Variants in LIN7A observed in about 807,000 individuals in gnomAD.
LIN7A encodes protein lin-7 homolog A.
Under a neutral mutation model 29.8 loss-of-function variants are expected in LIN7A, and 25 were observed. That is an observed-to-expected ratio of 0.84 (90% CI 0.61 to 1.17). The LOEUF (loss-of-function observed/expected upper bound fraction) is 1.17, where lower values mean the gene tolerates loss of function less well. LIN7A is among the 50% of genes most tolerant of loss of function. The probability of loss-of-function intolerance (pLI) is 0.00; values close to 1 mark genes in which losing one functional copy is unlikely to be tolerated. For synonymous variants in LIN7A, 118 were observed against 107.5 expected (o/e 1.10, Z -0.60); for missense variants, 239 against 287.0 (o/e 0.83, Z 1.21).
intron 1 of LIN7A, chr12:80,935,748 A>G (rs145551269): frequency 3.7e-5 from 18 of 488,490 alleles, no homozygotes; most frequent in African/African-American, 3.3e-4. Context: ...AGACTCATCC[A>G]CAGGGTAAAC....
intron 4 of LIN7A, among the ~76,000 whole-genome samples, chr12:80,814,207 G>A (rs1022959283): frequency 2.0e-5 from 3 of 152,058 alleles, no homozygotes; most frequent in South Asian, 2.1e-4. Context: ...AGTCTACTAC[G>A]TTTCTTGAGA....
rs539613957 is a variant in LIN7A at position 80,914,577 on chromosome 12, T to G, written c.82+23064A>C. On this transcript the variant is annotated intron_variant, in intron 1 of 5. Coordinates refer to ENST00000552864, the MANE Select transcript of LIN7A (RefSeq NM_004664.4). ...GAAGCTTATTAATCTGCAACTCGCATGTTTCACGTTATCTTTCATGACTTT... is the reference window on the plus strand; with the variant it reads ...GAAGCTTATTAATCTGCAACTCGCAGGTTTCACGTTATCTTTCATGACTTT... Among the ~76,000 whole-genome samples the G allele has an allele frequency of 2.6e-5, 4 of 152,354 alleles. No individual in the cohort carries two copies. In the South Asian group the frequency reaches 8.3e-4, roughly 32 times the overall value.
intron 3 of LIN7A, among the ~76,000 whole-genome samples, chr12:80,846,643 A>T (rs1291279579): frequency 2.0e-5 from 3 of 152,132 alleles, no homozygotes; most frequent in African/African-American, 7.2e-5. Context: ...TTCCTATATT[A>T]TACATTAATA....
intron 1 of LIN7A, among the ~76,000 whole-genome samples, chr12:80,929,317 C>A (rs1485106672): frequency 1.3e-5 from 2 of 152,172 alleles, no homozygotes; most frequent in African/African-American, 4.8e-5. Flanking sequence ...TAAATTTTAT[C>A]TCTTTTATTG....
At chr12:80,805,461 C>G (rs11836142) in intron 5 of LIN7A, among the ~76,000 whole-genome samples, 1,787 of 152,090 alleles carry the variant, frequency 0.012, 13 homozygotes, top group Non-Finnish European at 0.02. Flanking sequence ...ATGCCAGCAA[C>G]TTTGTAAATT....
At chr12:80,922,233 T>C (rs2120885274) in intron 1 of LIN7A, among the ~76,000 whole-genome samples, 1 of 152,296 alleles carries the variant, frequency 6.6e-6, no homozygotes, top group East Asian at 1.9e-4. Flanking sequence ...AAATCCGTAT[T>C]AAAACCTCAA....
chr12:80,863,556 T>G (rs1873982804), intron 2 of LIN7A, among the ~76,000 whole-genome samples: 1 of 152,198 alleles, frequency 6.6e-6, no homozygotes, highest in Non-Finnish European at 1.5e-5. Context: ...GATGAGTGTT[T>G]AATTATATGT....
At chr12:80,890,609 T>G (rs191085001) in intron 1 of LIN7A, among the ~76,000 whole-genome samples, 18 of 152,258 alleles carry the variant, frequency 1.2e-4, no homozygotes, top group African/African-American at 4.1e-4. Flanking sequence ...AAAAGTGACT[T>G]TGATGGGGAC....
intron 1 of LIN7A, among the ~76,000 whole-genome samples, chr12:80,926,654 C>A (rs1339735913): frequency 6.6e-6 from 1 of 152,140 alleles, no homozygotes; most frequent in African/African-American, 2.4e-5. Context: ...ACTCTCTCAC[C>A]TCTAAATATA....
intron 1 of LIN7A, among the ~76,000 whole-genome samples, chr12:80,914,192 A>G (rs1592946607): frequency 1.3e-5 from 2 of 152,184 alleles, no homozygotes; most frequent in South Asian, 2.1e-4. Context: ...ATAGAGTCCA[A>G]TATCCTCAAA....
chr12:80,850,982 G>A (rs1873302134), intron 2 of LIN7A, among the ~76,000 whole-genome samples: 1 of 152,092 alleles, frequency 6.6e-6, no homozygotes, highest in Non-Finnish European at 1.5e-5. Flanking sequence ...ACAGAGGTGG[G>A]AACATACCGA....
At chr12:80,917,760 C>T (rs1450095604) in intron 1 of LIN7A, among the ~76,000 whole-genome samples, 1 of 152,096 alleles carries the variant, frequency 6.6e-6, no homozygotes, top group African/African-American at 2.4e-5. Context: ...CGAGATCTCT[C>T]CACTCTTCAA....
At chr12:80,882,050 A>G (rs1298074262) in intron 2 of LIN7A, among the ~76,000 whole-genome samples, 1 of 152,070 alleles carries the variant, frequency 6.6e-6, no homozygotes, top group African/African-American at 2.4e-5. Flanking sequence ...GCCTTTTTCT[A>G]CAACCACTAC....
At chr12:80,899,987 T>G (rs1022874975) in intron 1 of LIN7A, among the ~76,000 whole-genome samples, 8 of 151,864 alleles carry the variant, frequency 5.3e-5, no homozygotes, top group African/African-American at 1.9e-4. Context: ...CAGGATGGTC[T>G]CCATCTCCTG....
chr12:80,819,062 C>T (rs1871672313), intron 4 of LIN7A, among the ~76,000 whole-genome samples: 1 of 152,172 alleles, frequency 6.6e-6, no homozygotes, highest in Admixed American at 6.5e-5. Flanking sequence ...CAATCAAGGT[C>T]CAAAAATAGG....
chr12:80,917,653 TCA>T (rs1385173714), intron 1 of LIN7A, among the ~76,000 whole-genome samples: 1 of 152,202 alleles, frequency 6.6e-6, no homozygotes, highest in African/African-American at 2.4e-5. Flanking sequence ...TATTATTATT[TCA>T]GTGTTATGCT....
intron 2 of LIN7A, among the ~76,000 whole-genome samples, chr12:80,862,413 A>G (rs1310147068): frequency 6.6e-6 from 1 of 152,216 alleles, no homozygotes. Flanking sequence ...ATTCTGAACC[A>G]CTGTTTCTAG....
At chr12:80,847,243 A>T (rs1337855068) in intron 3 of LIN7A, among the ~76,000 whole-genome samples, 1 of 152,210 alleles carries the variant, frequency 6.6e-6, no homozygotes, top group Non-Finnish European at 1.5e-5. Context: ...ATGGTAAAAC[A>T]CTACACAATT....
chr12:80,929,985 T>C (rs1028214586), intron 1 of LIN7A, among the ~76,000 whole-genome samples: 1 of 152,196 alleles, frequency 6.6e-6, no homozygotes, highest in African/African-American at 2.4e-5. Flanking sequence ...CCATCTATCT[T>C]GTGGGTTTAA....
Sources: allele counts gnomAD v4.1 joint callset (sites outside exome capture counted in the v4.1 genomes callset), GRCh38; gene constraint gnomAD v4.1.1; transcripts MANE v1.5; gene names NCBI Gene and HGNC (gene_info 2026-07-23, HGNC 2026-07-21).